FMN1: variants seen among roughly 807,000 people sequenced by gnomAD.
FMN1 encodes formin-1.
In FMN1, 110 loss-of-function variants were observed where a neutral mutation model predicts 132.4. That is an observed-to-expected ratio of 0.83 (90% CI 0.71 to 0.97). FMN1 has a LOEUF of 0.97. Among genes scored for constraint, FMN1 ranks in the 50% least tolerant of loss-of-function variants. The pLI, the probability that FMN1 is intolerant of heterozygous loss-of-function variation, is 0.00. For synonymous variants in FMN1, 722 were observed against 651.7 expected (o/e 1.11, Z -1.64); for missense variants, 1,792 against 1,705.3 (o/e 1.05, Z -0.90).
chr15:33,116,405 C>T (rs2039927573), intron 4 of FMN1, among the ~76,000 whole-genome samples: 1 of 152,188 alleles, frequency 6.6e-6, no homozygotes, highest in African/African-American at 2.4e-5. Context: ...AAGGCAAACG[C>T]CCAGCTGTAG....
intron 14 of FMN1, chr15:32,899,734 G>A: frequency 1.8e-6 from 1 of 546,118 alleles, no homozygotes; most frequent in Non-Finnish European, 3.2e-6. Context: ...GATTGTGTAT[G>A]TCAGAGCACA....
intron 4 of FMN1, among the ~76,000 whole-genome samples, chr15:33,123,079 G>T (rs967259590): frequency 6.6e-6 from 1 of 150,802 alleles, no homozygotes; most frequent in Admixed American, 6.7e-5. Context: ...TATAACTAAA[G>T]CCCAAATTGT....
chr15:33,019,267 G>T (rs1470483332), intron 6 of FMN1, among the ~76,000 whole-genome samples: 1 of 152,170 alleles, frequency 6.6e-6, no homozygotes, highest in Non-Finnish European at 1.5e-5. Flanking sequence ...GTGTCCATTG[G>T]TGTATTTACA....
rs558399964 is a variant in FMN1, at chr15:32,768,783, A to C, written c.*5527T>G. On this transcript the variant is annotated 3_prime_UTR_variant, in exon 21 of 21. Transcript: ENST00000616417. ...AGATTCTCAGTATATTTAAGAGAAG[A>C]TTTAAAAATAGAAAATTACATAAGC... 6.6e-6 allele frequency: 1 copy of C among 152,236 alleles called. No individual in the cohort carries two copies. The allele number at this position is 152,236 out of a possible 1,614,324, so 9.4% of individuals were successfully genotyped here. A position where few individuals can be genotyped will look rare whatever the true frequency, so the allele number is the denominator to read the frequency against.
intron 17 of FMN1, among the ~76,000 whole-genome samples, chr15:32,848,347 CGT>C (rs2058911371): frequency 1.6e-5 from 1 of 63,926 alleles, no homozygotes; most frequent in East Asian, 2.9e-4. Flanking sequence ...CGTGTGTGTG[CGT>C]GCACACGTGT....
intron 6 of FMN1, among the ~76,000 whole-genome samples, chr15:33,057,859 T>C (rs1002291064): frequency 2.0e-5 from 3 of 152,232 alleles, no homozygotes; most frequent in Non-Finnish European, 2.9e-5. Context: ...TTATTTACAA[T>C]TTCCCATCTG....
At chr15:33,078,195 T>C (rs1420549626) in intron 5 of FMN1, among the ~76,000 whole-genome samples, 2 of 152,292 alleles carry the variant, frequency 1.3e-5, no homozygotes, top group East Asian at 1.9e-4. Context: ...ATGGGAAAAA[T>C]AATACTTAAC....
intron 9 of FMN1, among the ~76,000 whole-genome samples, chr15:32,948,412 T>C (rs1038285608): frequency 6.6e-6 from 1 of 152,008 alleles, no homozygotes; most frequent in Non-Finnish European, 1.5e-5. Context: ...GGTTGTGCTA[T>C]CAAGATTATA....
intron 2 of FMN1, among the ~76,000 whole-genome samples, chr15:33,184,049 T>C (rs1381026550): frequency 6.6e-6 from 1 of 152,216 alleles, no homozygotes; most frequent in Admixed American, 6.5e-5. Flanking sequence ...ATTCTTTTAG[T>C]TTCAATTCAG....
intron 7 of FMN1, among the ~76,000 whole-genome samples, chr15:32,980,299 G>A (rs2032549283): frequency 6.8e-6 from 1 of 147,256 alleles, no homozygotes; most frequent in African/African-American, 2.6e-5. Context: ...GAGTGTCTAG[G>A]TCAGTTTGAA....
chr15:32,900,070 C>G lies in FMN1; in HGVS notation c.3563G>C (p.Gly1188Ala). Residue 1188 changes from glycine (G) to alanine (A), a missense_variant, in exon 14 of 21, where the codon GGA becomes GCA. Physicochemically the swap from Gly to Ala is moderately conservative, Grantham distance 60. Coordinates refer to ENST00000616417, the MANE Select transcript of FMN1 (RefSeq NM_001277313.2). ...KDILALILAF[G>A]NYMNGGNRTR... ...CCTATTTCCTCCATTCATATAATTTCCAAAAGCCAAGATGAGAGCTAAAAT... is the reference window on the plus strand; with the variant it reads ...CCTATTTCCTCCATTCATATAATTTGCAAAAGCCAAGATGAGAGCTAAAAT... 1 of 1,613,868 alleles carries G rather than the reference C, an allele frequency of 6.2e-7. No homozygotes were observed. Among genetic ancestry groups the G allele is most frequent in the Non-Finnish European group, 8.5e-7 (1 of 1,179,850 alleles).
At chr15:33,192,183 T>G (rs1966103066) in intron 2 of FMN1, among the ~76,000 whole-genome samples, 1 of 152,188 alleles carries the variant, frequency 6.6e-6, no homozygotes, top group African/African-American at 2.4e-5. Context: ...AATCCAAAAC[T>G]TTAACGTAAA....
At chr15:33,067,936 G>A (rs373586154) in intron 5 of FMN1, 22 of 1,547,666 alleles carry the variant, frequency 1.4e-5, no homozygotes, top group African/African-American at 8.2e-5. Flanking sequence ...CTTCTCCTGC[G>A]CTCTCAGTTT....
chr15:32,785,200 G>A (rs5024438), intron 19 of FMN1, among the ~76,000 whole-genome samples: 12,379 of 25,442 alleles, frequency 0.49, 2,602 homozygotes, highest in Non-Finnish European at 0.54. Flanking sequence ...GTGTGTGTGT[G>A]TATATATATA....
chr15:32,883,366 T>TG lies in FMN1; in HGVS notation c.3835+4805dup, dbSNP rs553562379. Among the ~76,000 whole-genome samples, 8 of 151,672 alleles carry TG rather than the reference T, an allele frequency of 5.3e-5. No individual in the cohort carries two copies. The South Asian group carries it at 1.0e-3, about 20-fold the overall frequency. On this transcript the variant is annotated intron_variant, in intron 16 of 20. Transcript: ENST00000616417. Reference sequence around the variant, plus strand: ...AAAAAATACAATTTACAAAATTAGCTGGGCGTGGTGGTATACATCTGTAGT... The same window carrying TG: ...AAAAAATACAATTTACAAAATTAGCTGGGGCGTGGTGGTATACATCTGTAGT...
At chr15:33,174,810 T>C (rs182069321) in intron 3 of FMN1, among the ~76,000 whole-genome samples, 3 of 152,338 alleles carry the variant, frequency 2.0e-5, no homozygotes, top group East Asian at 1.9e-4. Context: ...TTTAGACTTA[T>C]AGAATAGCGG....
rs534351713 is a variant in FMN1, at chr15:32,979,086, G to C, written c.2224-9609C>G. On this transcript the variant is annotated intron_variant, in intron 7 of 20. Transcript: ENST00000616417. ...TACAGCTCTCTGGGAGCAAGAAGGG[G>C]CTCAGAGGAGTGGTTGGTGATACAT... 2.0e-5 allele frequency among the ~76,000 whole-genome samples: 3 copies of C among 152,262 alleles called. No homozygotes were observed. The East Asian group carries it at 5.8e-4, about 29-fold the overall frequency.
chr15:32,918,755 C>A (rs2060746312), intron 10 of FMN1, among the ~76,000 whole-genome samples: 1 of 152,138 alleles, frequency 6.6e-6, no homozygotes, highest in Admixed American at 6.5e-5. Context: ...AGTTCTGGTT[C>A]TTTTAAGCCA....
chr15:32,886,665 G>T (rs1283757803), intron 16 of FMN1, among the ~76,000 whole-genome samples: 3 of 152,144 alleles, frequency 2.0e-5, no homozygotes, highest in African/African-American at 4.8e-5. Context: ...TATAGGAGAG[G>T]TCAGGCCAAG....
Sources: gnomAD v4.1 joint callset for allele counts (sites outside exome capture counted in the v4.1 genomes callset) on GRCh38, gnomAD v4.1.1 for gene constraint, MANE v1.5 for transcripts, NCBI Gene and HGNC (gene_info 2026-07-23, HGNC 2026-07-21) for gene names.